Variants in LSAMP observed in about 807,000 individuals in gnomAD.
LSAMP encodes limbic system associated membrane protein.
LSAMP carries 7 observed loss-of-function variants against 38.6 expected under a neutral mutation model. That is an observed-to-expected ratio of 0.18 (90% CI 0.10 to 0.34). The LOEUF is 0.34. Among genes scored for constraint, LSAMP ranks in the 10% least tolerant of loss-of-function variants. LSAMP has a pLI of 1.00. For missense variants in LSAMP, 313 were observed against 420.0 expected (o/e 0.75, Z 2.23); for synonymous variants, 154 against 166.8 (o/e 0.92, Z 0.59).
chr3:116,350,085 A>G (rs1006448114), intron 1 of LSAMP, among the ~76,000 whole-genome samples: 5 of 152,146 alleles, frequency 3.3e-5, no homozygotes, highest in Non-Finnish European at 7.4e-5. Flanking sequence ...GTTACTTTGG[A>G]TATTAAAATA....
intron 1 of LSAMP, among the ~76,000 whole-genome samples, chr3:116,415,927 T>G (rs541575055): frequency 3.3e-5 from 5 of 152,102 alleles, no homozygotes; most frequent in Non-Finnish European, 5.9e-5. Flanking sequence ...CTCCATAAAT[T>G]GTATACATTT....
chr3:116,280,097 A>G (rs1374343516), intron 1 of LSAMP, among the ~76,000 whole-genome samples: 1 of 152,220 alleles, frequency 6.6e-6, no homozygotes, highest in Non-Finnish European at 1.5e-5. Flanking sequence ...CTCTGGTGTA[A>G]CGTAAGAGAA....
chr3:116,271,904 CTATT>C lies in LSAMP; in HGVS notation c.155+172969_155+172972del, dbSNP rs535923513. On this transcript the variant is annotated intron_variant, in intron 1 of 6. Transcript: ENST00000490035. ...AGAAGGAAGTAAAATGAAGTATTTCCTATTTATTCTATTTGAAGTGAATAAAAAA... is the reference window on the plus strand; with the variant it reads ...AGAAGGAAGTAAAATGAAGTATTTCCTATTCTATTTGAAGTGAATAAAAAA... 3.4e-3 allele frequency among the ~76,000 whole-genome samples: 523 copies of C among 151,954 alleles called. 9 individuals are homozygous for C. Among genetic ancestry groups the C allele is most frequent in the Non-Finnish European group, 3.0e-3 (203 of 67,930 alleles).
At chr3:115,879,798 A>G (rs1936276919) in intron 3 of LSAMP, among the ~76,000 whole-genome samples, 1 of 152,194 alleles carries the variant, frequency 6.6e-6, no homozygotes, top group Non-Finnish European at 1.5e-5. Context: ...ACTCAGAGCC[A>G]TGGGATATAA....
chr3:116,261,069 C>T (rs1211585987), intron 1 of LSAMP, among the ~76,000 whole-genome samples: 1 of 152,134 alleles, frequency 6.6e-6, no homozygotes, highest in Admixed American at 6.5e-5. Context: ...GCCACATACA[C>T]CTTGGTATCA....
chr3:116,436,382 A>T (rs1413824773), intron 1 of LSAMP, among the ~76,000 whole-genome samples: 3 of 152,222 alleles, frequency 2.0e-5, no homozygotes, highest in African/African-American at 7.2e-5. Context: ...TTTGCACAGC[A>T]AAAGGAACAG....
chr3:115,908,492 G>T (rs1226028020), intron 3 of LSAMP, among the ~76,000 whole-genome samples: 1 of 152,148 alleles, frequency 6.6e-6, no homozygotes, highest in African/African-American at 2.4e-5. Context: ...TTGGTATTCA[G>T]CAAAGTGGAA....
chr3:116,437,999 T>C (rs1186466915), intron 1 of LSAMP, among the ~76,000 whole-genome samples: 1 of 151,046 alleles, frequency 6.6e-6, no homozygotes, highest in Non-Finnish European at 1.5e-5. Flanking sequence ...AGTAAAGTGT[T>C]TTATTTTGTA....
intron 1 of LSAMP, among the ~76,000 whole-genome samples, chr3:116,243,393 C>A (rs2046564946): frequency 6.6e-6 from 1 of 152,126 alleles, no homozygotes; most frequent in Admixed American, 6.5e-5. Context: ...GTATGAAGAT[C>A]AGATCTGAGG....
rs140596430 is a variant in LSAMP, at chr3:116,041,133, A to G, written c.389-21493T>C. Among the ~76,000 whole-genome samples, 355 of 152,244 alleles carry G rather than the reference A, an allele frequency of 2.3e-3. 3 individuals are homozygous for G. The highest frequency in any genetic ancestry group is 8.1e-3 in the African/African-American group (338 of 41,554). On this transcript the variant is annotated intron_variant, in intron 2 of 6. Coordinates refer to ENST00000490035, the MANE Select transcript of LSAMP (RefSeq NM_002338.5). ...GAAATTGGGTCTCACTATATTGCCC[A>G]GCCTGGTCTCAAACTACTGGCCTCA...
intron 1 of LSAMP, among the ~76,000 whole-genome samples, chr3:116,296,720 A>G (rs980546273): frequency 2.7e-5 from 4 of 150,844 alleles, no homozygotes; most frequent in Admixed American, 2.0e-4. Flanking sequence ...AAAAAAAAAA[A>G]AAAGAAACCC....
chr3:115,846,881 A>G lies in LSAMP; in HGVS notation c.650-4303T>C, dbSNP rs966493310. On this transcript the variant is annotated intron_variant, in intron 4 of 6. Transcript: ENST00000490035. ...GGCGACACAGTGGATATAAACCTGT[A>G]TTAGGAATCAGGAAATGCAGACTCA... Among the ~76,000 whole-genome samples the G allele has an allele frequency of 2.1e-4, 32 of 152,302 alleles. 1 individual carries two copies. The highest frequency in any genetic ancestry group is 4.1e-4 in the South Asian group (2 of 4,822).
chr3:116,130,785 C>T (rs1241966548), intron 1 of LSAMP, among the ~76,000 whole-genome samples: 2 of 152,038 alleles, frequency 1.3e-5, no homozygotes, highest in South Asian at 2.1e-4. Flanking sequence ...ATTACCTACC[C>T]AGAAATCCTA....
intron 1 of LSAMP, among the ~76,000 whole-genome samples, chr3:116,429,624 G>T (rs2049252769): frequency 6.6e-6 from 1 of 152,146 alleles, no homozygotes; most frequent in South Asian, 2.1e-4. Flanking sequence ...ATTCTACTGA[G>T]ATCATCTCTG....
intron 3 of LSAMP, among the ~76,000 whole-genome samples, chr3:115,904,948 A>G (rs937961670): frequency 1.3e-5 from 2 of 151,968 alleles, no homozygotes; most frequent in African/African-American, 4.8e-5. Context: ...TACCTATCCC[A>G]TCTTATTGAA....
chr3:116,366,812 G>T (rs1187199527), intron 1 of LSAMP, among the ~76,000 whole-genome samples: 2 of 152,086 alleles, frequency 1.3e-5, no homozygotes, highest in Non-Finnish European at 2.9e-5. Flanking sequence ...AAAGAGAAGG[G>T]CTATTGATTT....
intron 3 of LSAMP, among the ~76,000 whole-genome samples, chr3:115,893,626 T>C (rs1389607327): frequency 6.6e-6 from 1 of 152,016 alleles, no homozygotes; most frequent in African/African-American, 2.4e-5. Flanking sequence ...CTTTATTTGC[T>C]CTATAAAATA....
intron 1 of LSAMP, among the ~76,000 whole-genome samples, chr3:116,363,822 T>C (rs1329614533): frequency 6.7e-6 from 1 of 148,728 alleles, no homozygotes. Flanking sequence ...CCCTTCATGC[T>C]AAAAACTCTC....
In LSAMP at chr3:116,164,753, TATATATA is replaced by T. The variant is rs1559766411; in HGVS notation, c.156-78204_156-78198del. 9.8e-4 allele frequency among the ~76,000 whole-genome samples: 54 copies of T among 54,934 alleles called. 3 individuals carry two copies. The highest frequency in any genetic ancestry group is 2.7e-3 in the African/African-American group (49 of 18,372). The allele number at this position is 54,934 out of a possible 152,430, so 36.0% of individuals were successfully genotyped here. On this transcript the variant is annotated intron_variant, in intron 1 of 6. Transcript: ENST00000490035. ...AAATATATATATATCCATATATATA[TATATATA>T]TTTTTTTTTTTTTTCAAGTAGCATC...
Sources: gnomAD v4.1 joint callset for allele counts (sites outside exome capture counted in the v4.1 genomes callset) on GRCh38, gnomAD v4.1.1 for gene constraint, MANE v1.5 for transcripts, NCBI Gene and HGNC (gene_info 2026-07-23, HGNC 2026-07-21) for gene names.